Variants in PCDHA5 observed in about 807,000 individuals in gnomAD.
PCDHA5 encodes the protein protocadherin alpha 5, also known as protocadherin alpha-5.
In PCDHA5, 43 loss-of-function variants were observed where a neutral mutation model predicts 61.6. That is an observed-to-expected ratio of 0.70 (90% CI 0.55 to 0.90). The LOEUF (loss-of-function observed/expected upper bound fraction) is 0.90, where lower values mean the gene tolerates loss of function less well. Ranked by LOEUF, PCDHA5 falls within the 40% of genes least tolerant of loss-of-function variation. The pLI is 0.00. For missense variants in PCDHA5, 1,298 were observed against 1,222.7 expected, an observed-to-expected ratio of 1.06 and a Z score of -0.92; for synonymous variants, 627 against 543.9, an observed-to-expected ratio of 1.15 and a Z score of -2.13.
chr5:141,001,764 G>A (rs1186356180), intron 3 of PCDHA5, among the ~76,000 whole-genome samples: 1 of 152,160 alleles, frequency 6.6e-6, no homozygotes, highest in East Asian at 1.9e-4. Context: ...GATGGCGGAT[G>A]GTTTTTGCCT....
chr5:140,990,205 G>T (rs2097380865), intron 3 of PCDHA5, among the ~76,000 whole-genome samples: 1 of 152,116 alleles, frequency 6.6e-6, no homozygotes, highest in Non-Finnish European at 1.5e-5. Context: ...ACCCGAAAGA[G>T]AACAAAGAGA....
intron 1 of PCDHA5, among the ~76,000 whole-genome samples, chr5:140,846,568 G>A (rs1403872525): frequency 6.7e-6 from 1 of 148,182 alleles, no homozygotes; most frequent in Non-Finnish European, 1.5e-5. Context: ...TAGAGTCGGG[G>A]TTTCACCATG....
Position 140,875,940 on chromosome 5 carries a change from C to T in PCDHA5, c.2352+51813C>T, listed in dbSNP as rs782320801. ...TGGACTCTCATTTTCCTCTAGAGGG[C>T]GCTTCTGATGCGGATATCGGCGTAA... On this transcript the variant is annotated intron_variant, in intron 1 of 3. Transcript: ENST00000529859. 5.0e-6 allele frequency: 8 copies of T among 1,613,964 alleles called. No individual in the cohort carries two copies. In the South Asian group the frequency reaches 6.6e-5, roughly 13 times the overall value.
At chr5:140,834,199 G>T in intron 1 of PCDHA5, 2 of 595,406 alleles carry the variant, frequency 3.4e-6, no homozygotes, top group South Asian at 2.6e-5. Flanking sequence ...GCTCTTTACC[G>T]CAAATTCTTT....
intron 1 of PCDHA5, among the ~76,000 whole-genome samples, chr5:140,977,388 T>C (rs1187960215): frequency 6.6e-6 from 1 of 152,248 alleles, no homozygotes; most frequent in East Asian, 1.9e-4. Flanking sequence ...TCCAGGTTTA[T>C]AAAATGATTT....
intron 3 of PCDHA5, among the ~76,000 whole-genome samples, chr5:140,991,572 G>A (rs782016422): frequency 1.3e-4 from 20 of 152,144 alleles, no homozygotes; most frequent in Non-Finnish European, 2.9e-4. Flanking sequence ...TCCAATAACA[G>A]GCTCCTTATT....
At chr5:140,969,578 G>A (rs2096343344) in intron 1 of PCDHA5, 2 of 957,378 alleles carry the variant, frequency 2.1e-6, no homozygotes, top group Admixed American at 5.9e-5. Context: ...TGAGAAGTGA[G>A]GATTAGTCTT....
intron 1 of PCDHA5, chr5:140,841,301 G>A (rs2150312964): frequency 2.0e-6 from 3 of 1,536,446 alleles, no homozygotes; most frequent in Admixed American, 3.9e-5. Flanking sequence ...AATATTTTCT[G>A]ATAGGAAACG....
chr5:140,870,709 G>T (rs782475792), intron 1 of PCDHA5: 1 of 1,613,052 alleles, frequency 6.2e-7, no homozygotes, highest in Non-Finnish European at 8.5e-7. Context: ...CCAGGTGAGC[G>T]CGCGCGATGC....
intron 1 of PCDHA5, chr5:140,967,709 G>T: frequency 6.2e-7 from 1 of 1,614,140 alleles, no homozygotes; most frequent in Non-Finnish European, 8.5e-7. Context: ...TGCCAGTACC[G>T]GGGAAGTGCG....
Position 140,829,995 on chromosome 5 carries a change from G to T in PCDHA5, c.2352+5868G>T, listed in dbSNP as rs1297305883. On this transcript the variant is annotated intron_variant, in intron 1 of 3. Transcript: ENST00000529859. ...TACACGGGCGAGATCAGCACCACTCGTGTCCTGGACGAAGCGGACTCTCCG... is the reference window on the plus strand; with the variant it reads ...TACACGGGCGAGATCAGCACCACTCTTGTCCTGGACGAAGCGGACTCTCCG... 3 of 1,613,866 alleles carry T rather than the reference G, an allele frequency of 1.9e-6. No homozygotes were observed. In the African/African-American group the frequency reaches 4.0e-5, roughly 22 times the overall value.
rs527638271 is a variant in PCDHA5, at chr5:140,882,967, G to A, written c.2352+58840G>A. 3.1e-4 allele frequency: 497 copies of A among 1,614,172 alleles called. 6 individuals are homozygous for A. In the South Asian group the frequency reaches 5.0e-3, roughly 16 times the overall value. On this transcript the variant is annotated intron_variant, in intron 1 of 3. Transcript: ENST00000529859. Reference sequence around the variant, plus strand: ...CAGTTCAGCTGCTCATCACGATTCTGGACGTGAATGACAACGCCCCGGAAT... The same window carrying A: ...CAGTTCAGCTGCTCATCACGATTCTAGACGTGAATGACAACGCCCCGGAAT...
intron 1 of PCDHA5, among the ~76,000 whole-genome samples, chr5:140,942,493 C>T (rs1334279065): frequency 1.3e-5 from 2 of 151,366 alleles, no homozygotes; most frequent in Non-Finnish European, 2.9e-5. Context: ...GAAATAAATA[C>T]ATGGTATCTA....
chr5:140,922,830 A>G (rs2081013341), intron 1 of PCDHA5, among the ~76,000 whole-genome samples: 1 of 152,264 alleles, frequency 6.6e-6, no homozygotes, highest in Admixed American at 6.5e-5. Context: ...TACTGCTAAT[A>G]GATGTCCTCA....
Position 140,822,996 on chromosome 5 carries a change from G to A in PCDHA5, c.1221G>A (p.Val407=). 1 of 1,614,238 alleles carries A rather than the reference G, an allele frequency of 6.2e-7. No homozygotes were observed. Among genetic ancestry groups the A allele is most frequent in the Non-Finnish European group, 8.5e-7 (1 of 1,180,052 alleles). Residue 407 remains valine (V), a synonymous_variant, in exon 1 of 4, where the codon GTG becomes GTA. Transcript: ENST00000529859. ...VSTFKNYYSL[V]LDSALDRESV... ...CCTTCAAGAATTACTACTCGTTGGT[G>A]CTGGACAGCGCCCTGGACCGCGAGA... is the stretch of plus-strand genomic sequence containing the variant.
intron 3 of PCDHA5, among the ~76,000 whole-genome samples, chr5:140,999,171 C>T (rs1482438264): frequency 1.3e-5 from 2 of 152,054 alleles, no homozygotes; most frequent in African/African-American, 4.8e-5. Context: ...AGGAAAAGAG[C>T]CTGATGGGGA....
intron 1 of PCDHA5, among the ~76,000 whole-genome samples, chr5:140,827,731 T>G (rs1769378548): frequency 6.6e-6 from 1 of 152,264 alleles, no homozygotes; most frequent in Non-Finnish European, 1.5e-5. Context: ...GTTGTTTAGC[T>G]GTGAATAATT....
chr5:140,999,295 T>G (rs1554256739), intron 3 of PCDHA5, among the ~76,000 whole-genome samples: 1 of 152,238 alleles, frequency 6.6e-6, no homozygotes, highest in Non-Finnish European at 1.5e-5. Context: ...ATTCTTTATT[T>G]CAGAATTTCT....
chr5:140,877,408 C>A, intron 1 of PCDHA5: 1 of 1,613,924 alleles, frequency 6.2e-7, no homozygotes, highest in South Asian at 1.1e-5. Context: ...TCCGCGCCAC[C>A]GCCTGCTGGT....
Sources: gnomAD v4.1 joint callset for allele counts (sites outside exome capture counted in the v4.1 genomes callset) on GRCh38, gnomAD v4.1.1 for gene constraint, MANE v1.5 for transcripts, NCBI Gene and HGNC (gene_info 2026-07-23, HGNC 2026-07-21) for gene names.